Variants in RPS6KA4 observed in about 807,000 individuals in gnomAD.
RPS6KA4 encodes ribosomal protein S6 kinase A4.
RPS6KA4 carries 38 observed loss-of-function variants against 89.6 expected under a neutral mutation model. The observed-to-expected ratio is 0.42, with a 90% CI of 0.33 to 0.56. The LOEUF is 0.56. RPS6KA4 is among the 20% of genes least tolerant of loss of function. The pLI, the probability that RPS6KA4 is intolerant of heterozygous loss-of-function variation, is 0.07. For synonymous variants in RPS6KA4, 495 were observed against 492.8 expected, an observed-to-expected ratio of 1.00 and a Z score of -0.06; for missense variants, 873 against 1,098.8, an observed-to-expected ratio of 0.79 and a Z score of 2.90.
At chr11:64,364,530 GT>G (rs1311346187) in intron 8 of RPS6KA4, among the ~76,000 whole-genome samples, 15 of 152,156 alleles carry the variant, frequency 9.9e-5, no homozygotes, top group Non-Finnish European at 1.3e-4. Flanking sequence ...AAATGGGCAT[GT>G]TTTGGCTCTC....
chr11:64,367,343 T>C (rs968494971), intron 9 of RPS6KA4, among the ~76,000 whole-genome samples: 3 of 151,730 alleles, frequency 2.0e-5, no homozygotes, highest in Non-Finnish European at 4.4e-5. Context: ...GCAGTTTCGC[T>C]CTTGTTGCCC....
Position 64,371,161 on chromosome 11 carries a change from G to GC in RPS6KA4, c.2122-120dup, listed in dbSNP as rs566829637. On this transcript the variant is annotated intron_variant, in intron 16 of 16. Coordinates refer to ENST00000334205, the MANE Select transcript of RPS6KA4 (RefSeq NM_003942.3). ...ACCGAATCCGGTGGTCGGTCTGGAG[G>GC]CCAAGGCCCTGTCGGCCTTGACCTA... 191 of 845,806 alleles carry GC rather than the reference G, an allele frequency of 2.3e-4. 2 individuals carry two copies. Among genetic ancestry groups the GC allele is most frequent in the South Asian group, 2.1e-3 (130 of 61,666 alleles). The allele number at this position is 845,806 out of a possible 1,614,324, so 52.4% of individuals were successfully genotyped here.
chr11:64,360,917 CCT>C, intron 4 of RPS6KA4: 2 of 572,514 alleles, frequency 3.5e-6, no homozygotes, highest in Non-Finnish European at 6.2e-6. Flanking sequence ...CACAGACTTT[CCT>C]CTCTCTGGGA....
Position 64,361,680 on chromosome 11 carries a change from G to C in RPS6KA4, c.690G>C (p.Glu230Asp). ...GGAGCCTGGGCATCTTGCTCTTCGAGCTGCTGACGGGGGCCTCGCCCTTCA... is the reference window on the plus strand; with the variant it reads ...GGAGCCTGGGCATCTTGCTCTTCGACCTGCTGACGGGGGCCTCGCCCTTCA... ...DWWSLGILLF[E>D]LLTGASPFTL... The change falls in exon 7 of 17, where the codon GAG becomes GAC. Residue 230 changes from glutamate to aspartate, a missense_variant. Physicochemically the swap from Glu to Asp is conservative, Grantham distance 45 (BLOSUM62 2). Around this residue, in one of 4 missense-constraint regions of RPS6KA4, gnomAD observed 542 missense variants for 736.4 expected, o/e 0.74. Transcript: ENST00000334205. The surrounding 1 kb of genome is among the most constrained non-coding windows in gnomAD (Gnocchi z 4.7). The C allele has an allele frequency of 6.2e-7, 1 of 1,612,698 alleles. No homozygotes were observed. Among genetic ancestry groups the C allele is most frequent in the Non-Finnish European group, 8.5e-7 (1 of 1,179,828 alleles).
At position 64,368,604 on chromosome 11, in the gene RPS6KA4, G is replaced by T. The variant is rs1241469556; in HGVS notation, c.1334+3G>T. 2 of 1,598,956 alleles carry T rather than the reference G, an allele frequency of 1.3e-6. No homozygotes were observed. The highest frequency in any genetic ancestry group is 2.3e-5 in the East Asian group (1 of 44,392). ...GCAGTCAAGATCCTCAGTCGCAGGT[G>T]GGAGGGCCCAGGCGCGGGCAGGGGT... On this transcript the variant is annotated splice_donor_region_variant and intron_variant, in intron 11 of 16. Coordinates refer to ENST00000334205, the MANE Select transcript of RPS6KA4 (RefSeq NM_003942.3).
intron 8 of RPS6KA4, 83 bp from the exon 9 acceptor site, chr11:64,365,195 GATGGGCCCTTGCCTCATGGAGGA>G: frequency 7.4e-7 from 1 of 1,358,628 alleles, no homozygotes; most frequent in Non-Finnish European, 1.0e-6. Context: ...CCAAATGCCA[GATGGGCCCTTGCCTCATGGAGGA>G]ACTGCCCAGT....
At chr11:64,362,656 T>C (rs2036785539) in intron 8 of RPS6KA4, among the ~76,000 whole-genome samples, 1 of 152,170 alleles carries the variant, frequency 6.6e-6, no homozygotes, top group Non-Finnish European at 1.5e-5. Flanking sequence ...CATGAACTCA[T>C]TTCACCCTCA....
At position 64,370,564 on chromosome 11, in the gene RPS6KA4, G is replaced by T. The variant is rs1255655895; in HGVS notation, c.1959G>T (p.Gly653=). The T allele has an allele frequency of 2.5e-6, 4 of 1,593,098 alleles. No individual in the cohort carries two copies. Among genetic ancestry groups the T allele is most frequent in the Admixed American group, 1.7e-5 (1 of 58,868 alleles). Reference sequence around the variant, plus strand: ...CACACTTCCTTGCCCCGCCTCCAGGGCTCCTGACCGTGGACCCCGCCAAGC... The same window carrying T: ...CACACTTCCTTGCCCCGCCTCCAGGTCTCCTGACCGTGGACCCCGCCAAGC... The part of the protein sequence containing the change: ...VSEEAKELVR[G]LLTVDPAKRL... The change falls in exon 16 of 17, where the codon GGG becomes GGT. Residue 653 remains glycine, a splice_region_variant and synonymous_variant. Transcript: ENST00000334205. The surrounding 1 kb of genome is among the most constrained non-coding windows in gnomAD (Gnocchi z 4.1).
chr11:64,359,404 G>A lies in RPS6KA4; in HGVS notation c.82G>A (p.Val28Met). Residue 28 changes from valine (V) to methionine (M), a missense_variant, in exon 2 of 17, where the codon GTG (valine) becomes ATG (methionine). By Grantham distance (21) the Val-to-Met change is conservative. Transcript: ENST00000334205. ...EANLTGHEEK[V>M]SVENFELLKV... ...CAACCTGACCGGGCACGAGGAGAAGGTGAGCGTGGAGAACTTCGAGCTGCT... is the reference window on the plus strand; with the variant it reads ...CAACCTGACCGGGCACGAGGAGAAGATGAGCGTGGAGAACTTCGAGCTGCT... 7 of 1,613,730 alleles carry A rather than the reference G, an allele frequency of 4.3e-6. No homozygotes were observed. The highest frequency in any genetic ancestry group is 5.1e-6 in the Non-Finnish European group (6 of 1,179,840).
intron 4 of RPS6KA4, 171 bp downstream of exon 4, chr11:64,360,763 C>A (rs761497649): frequency 4.8e-6 from 3 of 629,572 alleles, no homozygotes; most frequent in Non-Finnish European, 8.2e-6. Flanking sequence ...GAAGCCTCAA[C>A]GTTGCCTGGT....
intron 8 of RPS6KA4, among the ~76,000 whole-genome samples, chr11:64,362,248 T>C (rs2036773169): frequency 2.6e-5 from 4 of 152,238 alleles, no homozygotes; most frequent in Admixed American, 2.6e-4. Context: ...AATGGATTGG[T>C]CGGTCCTTTC....
Position 64,368,789 on chromosome 11 carries a change from C to T in RPS6KA4, c.1420C>T (p.His474Tyr). 6.4e-7 allele frequency: 1 copy of T among 1,565,912 alleles called. No homozygotes were observed. Residue 474 changes from histidine (H) to tyrosine (Y), a missense_variant, in exon 12 of 17, where the codon CAC becomes TAC. Transcript: ENST00000334205. Reference protein sequence around the residue: ...PNVVNLHEVHHDQLHTYLVLE... With the variant: ...PNVVNLHEVHYDQLHTYLVLE... Reference sequence around the variant, plus strand: ...CGTGGTGAATCTGCACGAGGTGCATCACGACCAGGTGATGGCTTCCGGCCA... The same window carrying T: ...CGTGGTGAATCTGCACGAGGTGCATTACGACCAGGTGATGGCTTCCGGCCA...
rs775483018 is a variant in RPS6KA4 at position 64,370,639 on chromosome 11, C to T, written c.2034C>T (p.Ser678=). 4.3e-5 allele frequency: 68 copies of T among 1,574,520 alleles called. No individual in the cohort carries two copies. Among genetic ancestry groups the T allele is most frequent in the Admixed American group, 8.8e-5 (5 of 56,942 alleles). ...GCAGCTCGTGGCTGCAGGACGGCAG[C>T]GCGCGCTCCTCGCCCCCGCTCCGGA... ...LRGSSWLQDG[S]ARSSPPLRTP... Residue 678 remains serine, a synonymous_variant, in exon 16 of 17, where the codon AGC becomes AGT. Transcript: ENST00000334205. This position sits in a 1 kb window ranked among gnomAD's most constrained non-coding sequence, Gnocchi z 4.1.
In RPS6KA4 at chr11:64,369,905, G is replaced by A; in HGVS notation, c.1797+12G>A. ...TGGGCGTCATTCTGGTATGGGACGCGGTCCTTGAGGCGGGGTCAGGGTCGC... is the reference window on the plus strand; with the variant it reads ...TGGGCGTCATTCTGGTATGGGACGCAGTCCTTGAGGCGGGGTCAGGGTCGC... On this transcript the variant is annotated intron_variant, in intron 14 of 16. Coordinates refer to ENST00000334205, the MANE Select transcript of RPS6KA4 (RefSeq NM_003942.3). 1 of 1,521,924 alleles carries A rather than the reference G, an allele frequency of 6.6e-7. No individual in the cohort carries two copies. The highest frequency in any genetic ancestry group is 8.8e-7 in the Non-Finnish European group (1 of 1,131,022). 94.3% of individuals were successfully genotyped at this position (1,521,924 alleles called of 1,614,324 possible).
In RPS6KA4 at chr11:64,371,699, G is replaced by C. The variant is rs370213059; in HGVS notation, c.*219G>C. 1 of 475,576 alleles carries C rather than the reference G, an allele frequency of 2.1e-6. No homozygotes were observed. The highest frequency in any genetic ancestry group is 4.0e-5 in the Admixed American group (1 of 24,930). The allele number at this position is 475,576 out of a possible 1,614,324, so 29.5% of individuals were successfully genotyped here. A position where few individuals can be genotyped will look rare whatever the true frequency, so the allele number is the denominator to read the frequency against. On this transcript the variant is annotated 3_prime_UTR_variant, in exon 17 of 17. Coordinates refer to ENST00000334205, the MANE Select transcript of RPS6KA4 (RefSeq NM_003942.3). The stretch of plus-strand genomic sequence containing the variant: ...CAGGGAAGGGGGGGCCTGCTGGGGA[G>C]TGGGGTTTGGGGGGCCCTCTCCCAG...
chr11:64,365,567 A>T, intron 9 of RPS6KA4, 102 bp downstream of exon 9: 2 of 1,320,750 alleles, frequency 1.5e-6, no homozygotes, highest in Non-Finnish European at 2.1e-6. Flanking sequence ...TTGTGTCCTG[A>T]TTGGGACTCA....
chr11:64,368,019 C>T (rs527911490), intron 9 of RPS6KA4, 113 bp from the exon 10 acceptor site: 152 of 1,103,582 alleles, frequency 1.4e-4, no homozygotes, highest in Non-Finnish European at 1.9e-4. Context: ...TGGAACACCC[C>T]CCACTGCCCC....
Position 64,370,089 on chromosome 11 carries a change from G to A in RPS6KA4, c.1798-136G>A, listed in dbSNP as rs200204848. 7.9e-6 allele frequency: 9 copies of A among 1,134,676 alleles called. No homozygotes were observed. The East Asian group carries it at 2.4e-4, about 30-fold the overall frequency. The allele number at this position is 1,134,676 out of a possible 1,614,324, so 70.3% of individuals were successfully genotyped here. A position where few individuals can be genotyped will look rare whatever the true frequency, so the allele number is the denominator to read the frequency against. ...AGAGTCGGAGCATCCGGGTATTGGG[G>A]GTTAGAAGTCAGGGTTCACCACGCG... is the stretch of plus-strand genomic sequence containing the variant. On this transcript the variant is annotated intron_variant, in intron 14 of 16. Coordinates refer to ENST00000334205, the MANE Select transcript of RPS6KA4 (RefSeq NM_003942.3). This position sits in a 1 kb window ranked among gnomAD's most constrained non-coding sequence, Gnocchi z 4.1.
intron 10 of RPS6KA4, 63 bp from the exon 11 acceptor site, chr11:64,368,405 C>T: frequency 1.9e-6 from 3 of 1,540,126 alleles, no homozygotes; most frequent in African/African-American, 1.4e-5. Context: ...GGCGGGGCCG[C>T]GGGGCTACCA....
Sources: allele counts gnomAD v4.1 joint callset (sites outside exome capture counted in the v4.1 genomes callset), GRCh38; gene constraint gnomAD v4.1.1; regional missense constraint gnomAD v4.1.1; non-coding constraint Gnocchi (gnomAD v3.1); transcripts MANE v1.5; gene names NCBI Gene and HGNC (gene_info 2026-07-23, HGNC 2026-07-21).